Variants in SASH1 observed in about 807,000 individuals in gnomAD.
The protein encoded by SASH1 is SAM and SH3 domain containing 1.
A neutral mutation model predicts 125.2 loss-of-function variants in SASH1; 44 were observed. The ratio of observed to expected loss-of-function variants is 0.35; its 90% CI spans 0.28 to 0.45. SASH1 has a LOEUF of 0.45. SASH1 is among the 20% of genes least tolerant of loss of function. SASH1 has a pLI of 1.00. For synonymous variants in SASH1, 639 were observed against 649.1 expected (o/e 0.98, Z 0.24); for missense variants, 1,426 against 1,614.5 (o/e 0.88, Z 2.00).
intron 4 of SASH1, among the ~76,000 whole-genome samples, chr6:148,465,755 G>A (rs1287656518): frequency 6.6e-6 from 1 of 152,096 alleles, no homozygotes; most frequent in African/African-American, 2.4e-5. Context: ...AAATTAAGAA[G>A]CTAAACTTAG....
chr6:148,287,146 G>C (rs1194213921), intron 1 of SASH1, among the ~76,000 whole-genome samples: 1 of 152,124 alleles, frequency 6.6e-6, no homozygotes, highest in Admixed American at 6.6e-5. Context: ...CCTTCCTCCA[G>C]ATGCTTGGGC....
chr6:148,204,954 A>G, the SASH1 span, among the ~76,000 whole-genome samples: 1 of 152,060 alleles, frequency 6.6e-6, no homozygotes, highest in Admixed American at 6.5e-5. Flanking sequence ...TTTTCCGAGA[A>G]GGCTGTCAGG....
At chr6:148,407,592 A>G in intron 2 of SASH1, among the ~76,000 whole-genome samples, 1 of 152,206 alleles carries the variant, frequency 6.6e-6, no homozygotes, top group Non-Finnish European at 1.5e-5. Flanking sequence ...GAATATGCCT[A>G]GAGGTGGAAC....
At chr6:148,251,641 A>G in the SASH1 span, among the ~76,000 whole-genome samples, 1 of 152,194 alleles carries the variant, frequency 6.6e-6, no homozygotes, top group Non-Finnish European at 1.5e-5. Flanking sequence ...AAGAATCATT[A>G]CAATGAGATG....
chr6:148,512,525 AC>A, intron 8 of SASH1: 1 of 985,100 alleles, frequency 1.0e-6, no homozygotes, highest in Non-Finnish European at 1.2e-6. Context: ...CCTCTGGTTG[AC>A]CGCTCCAACC....
At position 148,532,920 on chromosome 6, in the gene SASH1, C is replaced by A; in HGVS notation, c.1688C>A (p.Thr563Asn). 1 of 1,614,196 alleles carries A rather than the reference C, an allele frequency of 6.2e-7. No individual in the cohort carries two copies. Among genetic ancestry groups the A allele is most frequent in the Non-Finnish European group, 8.5e-7 (1 of 1,180,038 alleles). ...TTCTGCGGGCGTGCCAGGGTGCACA[C>A]CGACTTCACCCCCAGTCCCTATGAC... The part of the protein sequence containing the change: ...GPFCGRARVH[T>N]DFTPSPYDTD... The change falls in exon 14 of 20, where the codon ACC becomes AAC. Residue 563 changes from threonine (T) to asparagine (N), a missense_variant. Transcript: ENST00000367467. The surrounding 1 kb of genome is among the most constrained non-coding windows in gnomAD (Gnocchi z 4.7).
At chr6:148,310,380 A>G (rs1375282949) in intron 1 of SASH1, among the ~76,000 whole-genome samples, 1 of 151,230 alleles carries the variant, frequency 6.6e-6, no homozygotes, top group Admixed American at 6.6e-5. Context: ...TCTCTGCTGT[A>G]TCTATTTAAC....
intron 7 of SASH1, among the ~76,000 whole-genome samples, chr6:148,482,617 G>A (rs532169291): frequency 6.6e-6 from 1 of 150,976 alleles, no homozygotes; most frequent in African/African-American, 2.4e-5. Flanking sequence ...GACCTTCCAG[G>A]CTCAAGCAGT....
intron 19 of SASH1, among the ~76,000 whole-genome samples, chr6:148,546,617 T>C (rs1242337205): frequency 6.6e-6 from 1 of 152,222 alleles, no homozygotes; most frequent in Non-Finnish European, 1.5e-5. Context: ...TACTTGAAAA[T>C]TGCTAGGACA....
At chr6:148,392,493 A>AT in intron 2 of SASH1, among the ~76,000 whole-genome samples, 1 of 152,186 alleles carries the variant, frequency 6.6e-6, no homozygotes, top group East Asian at 1.9e-4. Flanking sequence ...GTCCTCTCAT[A>AT]CAAGGGACTC....
intron 12 of SASH1, among the ~76,000 whole-genome samples, 175 bp from the exon 13 acceptor site, chr6:148,531,351 C>T (rs1026412864): frequency 1.2e-4 from 18 of 151,936 alleles, no homozygotes; most frequent in African/African-American, 4.1e-4. Context: ...ACATTGGCCA[C>T]GACTTTAAAA....
intron 6 of SASH1, among the ~76,000 whole-genome samples, chr6:148,473,875 T>G (rs1247731423): frequency 6.6e-6 from 1 of 152,170 alleles, no homozygotes; most frequent in Non-Finnish European, 1.5e-5. Context: ...CTTGAAGGAT[T>G]TGTTTCTATG....
intron 1 of SASH1, among the ~76,000 whole-genome samples, chr6:148,337,284 C>T (rs571820076): frequency 2.0e-4 from 29 of 146,962 alleles, no homozygotes; most frequent in Admixed American, 9.0e-4. Flanking sequence ...AGTGCAATGA[C>T]GCAATCTCGG....
rs749511794 is a variant in SASH1, at chr6:148,543,757, T to C, written c.2287T>C (p.Leu763=). ...CTTGAAGTCTTTTAGCAGAAACCAG[T>C]TGGGCAATTACCCAACATTGCCTTT... ...PSLKSFSRNQ[L]GNYPTLPLMK... The change falls in exon 18 of 20, where the codon TTG becomes CTG. Residue 763 remains leucine (L), a synonymous_variant. Coordinates refer to ENST00000367467, the MANE Select transcript of SASH1 (RefSeq NM_015278.5). The C allele has an allele frequency of 8.1e-6, 13 of 1,610,666 alleles. No individual in the cohort carries two copies. The highest frequency in any genetic ancestry group is 2.2e-5 in the South Asian group (2 of 90,618).
intron 1 of SASH1, among the ~76,000 whole-genome samples, chr6:148,370,956 A>G (rs1391549373): frequency 1.3e-5 from 2 of 152,358 alleles, no homozygotes; most frequent in East Asian, 1.9e-4. Flanking sequence ...TTTTTATGTA[A>G]GAAGTGAAAC....
the SASH1 span, among the ~76,000 whole-genome samples, chr6:148,263,415 C>T: frequency 0.13 from 20,341 of 152,164 alleles, 1,432 homozygotes; most frequent in Non-Finnish European, 0.16. Flanking sequence ...GAGTGATGCA[C>T]TTGGCCAGAA....
the SASH1 span, among the ~76,000 whole-genome samples, chr6:148,238,381 C>T: frequency 6.6e-6 from 1 of 151,888 alleles, no homozygotes; most frequent in Non-Finnish European, 1.5e-5. Flanking sequence ...GCGCCACCAT[C>T]CCTGGCTAAT....
At chr6:148,540,582 A>T in intron 17 of SASH1, 26 bp downstream of exon 17, 1 of 1,536,576 alleles carries the variant, frequency 6.5e-7, no homozygotes, top group East Asian at 2.3e-5. Flanking sequence ...GTCGCTGGGA[A>T]CCTGCTTTGA....
In SASH1 at chr6:148,437,112, C is replaced by A. The variant is rs149200984; in HGVS notation, c.286-3072C>A. Among the ~76,000 whole-genome samples, 93 of 152,284 alleles carry A rather than the reference C, an allele frequency of 6.1e-4. No individual in the cohort carries two copies. In the East Asian group the frequency reaches 0.017, roughly 28 times the overall value. ...GAGCAGTCAGGTGCATGGCACATGG[C>A]ACATTATAGGAATTACTCTTCTGCT... On this transcript the variant is annotated intron_variant, in intron 2 of 19. Coordinates refer to ENST00000367467, the MANE Select transcript of SASH1 (RefSeq NM_015278.5).
Sources: allele counts gnomAD v4.1 joint callset (sites outside exome capture counted in the v4.1 genomes callset), GRCh38; gene constraint gnomAD v4.1.1; non-coding constraint Gnocchi (gnomAD v3.1); transcripts MANE v1.5; gene names NCBI Gene and HGNC (gene_info 2026-07-23, HGNC 2026-07-21).